SLC35G2: variants seen among roughly 807,000 people sequenced by gnomAD.
The protein encoded by SLC35G2 is transmembrane protein 22.
A neutral mutation model predicts 27.2 loss-of-function variants in SLC35G2; 20 were observed. That is an observed-to-expected ratio of 0.74 (90% CI 0.52 to 1.07). The LOEUF (loss-of-function observed/expected upper bound fraction) is 1.07. Ranked by LOEUF, SLC35G2 falls within the 50% of genes least tolerant of loss-of-function variation. The pLI is 0.00. For missense variants in SLC35G2, 416 were observed against 493.3 expected (o/e 0.84, Z 1.48); for synonymous variants, 148 against 165.3 (o/e 0.90, Z 0.80).
intron 1 of SLC35G2, among the ~76,000 whole-genome samples, chr3:136,832,326 C>A (rs996952749): frequency 6.6e-6 from 1 of 152,170 alleles, no homozygotes; most frequent in Non-Finnish European, 1.5e-5. Flanking sequence ...TTCTTCTAAT[C>A]TAGAAGTTTC....
At chr3:136,841,975 G>C (rs980383600) in intron 1 of SLC35G2, 7 of 151,990 alleles carry the variant, frequency 4.6e-5, no homozygotes, top group African/African-American at 9.7e-5. Context: ...TAAACAAAAA[G>C]TAATAAGCAA....
intron 1 of SLC35G2, among the ~76,000 whole-genome samples, chr3:136,843,618 C>G (rs146873803): frequency 0.029 from 4,446 of 151,308 alleles, 103 homozygotes; most frequent in Non-Finnish European, 0.043. Context: ...TGCACTCCAG[C>G]CTGGGCGACA....
At chr3:136,838,257 A>G (rs958218386) in intron 1 of SLC35G2, 1 of 4,956 alleles carries the variant, frequency 2.0e-4, no homozygotes, top group Non-Finnish European at 5.1e-4. Context: ...ATATATATAT[A>G]TATATATATA....
intron 1 of SLC35G2, among the ~76,000 whole-genome samples, chr3:136,853,309 T>C (rs1405057160): frequency 1.3e-5 from 2 of 152,084 alleles, no homozygotes; most frequent in South Asian, 2.1e-4. Context: ...TTGGCCAGGC[T>C]GGCCAACTCC....
At chr3:136,834,436 C>T (rs771594025) in intron 1 of SLC35G2, among the ~76,000 whole-genome samples, 2 of 152,196 alleles carry the variant, frequency 1.3e-5, no homozygotes, top group African/African-American at 2.4e-5. Context: ...CGGGTTCAAG[C>T]GATTCTCATG....
chr3:136,822,500 A>G (rs1936480183), intron 1 of SLC35G2, among the ~76,000 whole-genome samples: 1 of 152,138 alleles, frequency 6.6e-6, no homozygotes, highest in African/African-American at 2.4e-5. Context: ...TTTTTAGTAG[A>G]GATGGGGTTT....
intron 1 of SLC35G2, among the ~76,000 whole-genome samples, chr3:136,828,695 C>G (rs1357492073): frequency 1.3e-5 from 2 of 152,178 alleles, no homozygotes; most frequent in Non-Finnish European, 2.9e-5. Context: ...TCCATTCAGC[C>G]AGTCTGTGTC....
intron 1 of SLC35G2, among the ~76,000 whole-genome samples, chr3:136,845,838 C>T (rs910237497): frequency 6.6e-6 from 1 of 151,770 alleles, no homozygotes; most frequent in Non-Finnish European, 1.5e-5. Flanking sequence ...TTGTGATCTG[C>T]CCGCCTCGGC....
At chr3:136,849,356 A>G (rs771559915) in intron 1 of SLC35G2, among the ~76,000 whole-genome samples, 2 of 152,046 alleles carry the variant, frequency 1.3e-5, no homozygotes, top group Non-Finnish European at 2.9e-5. Flanking sequence ...TGTAATAATC[A>G]TAGGTAATAA....
intron 1 of SLC35G2, chr3:136,838,651 A>C (rs1671972619): frequency 6.6e-6 from 1 of 152,214 alleles, no homozygotes. Context: ...GGCCTCAAGA[A>C]GGAGTTCAGG....
intron 1 of SLC35G2, among the ~76,000 whole-genome samples, chr3:136,835,459 TG>T (rs1936842344): frequency 6.6e-6 from 1 of 152,136 alleles, no homozygotes; most frequent in Admixed American, 6.5e-5. Flanking sequence ...CACATAATAT[TG>T]TTTTTTTGTT....
intron 1 of SLC35G2, among the ~76,000 whole-genome samples, chr3:136,853,627 C>T (rs1937790422): frequency 6.6e-6 from 1 of 152,122 alleles, no homozygotes; most frequent in Non-Finnish European, 1.5e-5. Flanking sequence ...CTTGTTCCTC[C>T]TGTCACCTGA....
chr3:136,855,766 A>G lies in SLC35G2; in HGVS notation c.*67A>G, dbSNP rs1036356725. ...TATACTGCCATTTTAATGTTTACCT[A>G]TGAATGTCTTTTGTGTTATATAACT... On this transcript the variant is annotated 3_prime_UTR_variant, in exon 2 of 2. Coordinates refer to ENST00000446465, the MANE Select transcript of SLC35G2 (RefSeq NM_025246.3). The G allele has an allele frequency of 2.4e-6, 3 of 1,267,920 alleles. No homozygotes were observed. The highest frequency in any genetic ancestry group is 3.6e-5 in the Admixed American group (2 of 55,676). The allele number at this position is 1,267,920 out of a possible 1,614,324, so 78.5% of individuals were successfully genotyped here.
At chr3:136,837,402 T>C (rs1936904014) in intron 1 of SLC35G2, 1 of 152,084 alleles carries the variant, frequency 6.6e-6, no homozygotes, top group African/African-American at 2.4e-5. Flanking sequence ...CTGATGAAAA[T>C]AGCTTGATTT....
At chr3:136,850,720 G>T (rs954293480) in intron 1 of SLC35G2, among the ~76,000 whole-genome samples, 2 of 152,080 alleles carry the variant, frequency 1.3e-5, no homozygotes, top group African/African-American at 2.4e-5. Flanking sequence ...GCAGCTGGGC[G>T]TGGTGGCTCA....
At chr3:136,823,150 T>C (rs555198050) in intron 1 of SLC35G2, among the ~76,000 whole-genome samples, 2 of 152,340 alleles carry the variant, frequency 1.3e-5, no homozygotes, top group Non-Finnish European at 2.9e-5. Flanking sequence ...TTTGCATTTT[T>C]CTGATGATCA....
chr3:136,828,951 C>T (rs1420824905), intron 1 of SLC35G2, among the ~76,000 whole-genome samples: 1 of 152,048 alleles, frequency 6.6e-6, no homozygotes, highest in Non-Finnish European at 1.5e-5. Context: ...TCTTATAACC[C>T]ACTATTTTAA....
intron 1 of SLC35G2, among the ~76,000 whole-genome samples, chr3:136,830,913 C>G (rs961735524): frequency 2.6e-5 from 4 of 152,152 alleles, no homozygotes; most frequent in Non-Finnish European, 2.9e-5. Flanking sequence ...TGAACTCAAT[C>G]CACATACCTG....
intron 1 of SLC35G2, chr3:136,843,206 C>G (rs1428780841): frequency 6.6e-6 from 1 of 151,008 alleles, no homozygotes; most frequent in Non-Finnish European, 1.5e-5. Flanking sequence ...GCCTGTAGTC[C>G]CAGCTACTCG....
Sources: allele counts gnomAD v4.1 joint callset (sites outside exome capture counted in the v4.1 genomes callset), GRCh38; gene constraint gnomAD v4.1.1; transcripts MANE v1.5; gene names NCBI Gene and HGNC (gene_info 2026-07-23, HGNC 2026-07-21).